TRAPPC9: variants seen among roughly 807,000 people sequenced by gnomAD.
The protein encoded by TRAPPC9 is IKK2 binding protein.
Under a neutral mutation model 124.0 loss-of-function variants are expected in TRAPPC9, and 83 were observed. The ratio of observed to expected loss-of-function variants is 0.67; its 90% confidence interval spans 0.56 to 0.80. The LOEUF is 0.80. Ranked by LOEUF, TRAPPC9 falls within the 30% of genes least tolerant of loss-of-function variation. The probability of loss-of-function intolerance (pLI) is 0.00; values close to 1 mark genes in which losing one functional copy is unlikely to be tolerated. For missense variants in TRAPPC9, 1,302 were observed against 1,508.3 expected, an observed-to-expected ratio of 0.86 and a Z score of 2.27; for synonymous variants, 638 against 617.5, an observed-to-expected ratio of 1.03 and a Z score of -0.49.
chr8:140,164,989 G>T (rs2061809797), intron 17 of TRAPPC9, among the ~76,000 whole-genome samples: 2 of 152,150 alleles, frequency 1.3e-5, no homozygotes, highest in Non-Finnish European at 2.9e-5. Context: ...TCGTAATAAG[G>T]TAATGCCTTA....
chr8:140,431,339 C>A (rs1451727384), intron 4 of TRAPPC9, among the ~76,000 whole-genome samples: 1 of 151,960 alleles, frequency 6.6e-6, no homozygotes, highest in Non-Finnish European at 1.5e-5. Flanking sequence ...TGCCTGTAAT[C>A]CCAGCTACTC....
chr8:140,085,613 C>T (rs573071027), intron 17 of TRAPPC9, among the ~76,000 whole-genome samples: 2 of 152,272 alleles, frequency 1.3e-5, no homozygotes, highest in South Asian at 4.2e-4. Context: ...ACTTTCAATC[C>T]CACCAGGTGA....
At chr8:140,381,667 CAAAA>C (rs56659960) in intron 7 of TRAPPC9, among the ~76,000 whole-genome samples, 1,615 of 48,308 alleles carry the variant, frequency 0.033, 24 homozygotes, top group African/African-American at 0.12. Context: ...GACTCTGTCT[CAAAA>C]AAAAAAAAAA....
intron 16 of TRAPPC9, among the ~76,000 whole-genome samples, chr8:140,239,497 G>C (rs568489767): frequency 6.6e-6 from 1 of 152,196 alleles, no homozygotes; most frequent in African/African-American, 2.4e-5. Flanking sequence ...GTAAGACTCC[G>C]GCCCTGCCCG....
Position 140,313,994 on chromosome 8 carries a change from G to A in TRAPPC9, c.1496-2620C>T, listed in dbSNP as rs541729055. 4.6e-5 allele frequency among the ~76,000 whole-genome samples: 7 copies of A among 152,178 alleles called. No homozygotes were observed. In the East Asian group the frequency reaches 7.7e-4, roughly 17 times the overall value. ...CCTTCTCCTAAAGGATTCAAGTGTC[G>A]GCTATAAATTGTTGCCAGATCTATT... On this transcript the variant is annotated intron_variant, in intron 9 of 22. Transcript: ENST00000438773.
intron 18 of TRAPPC9, 108 bp from the exon 19 acceptor site, chr8:139,988,944 A>T (rs1837446452): frequency 3.9e-6 from 3 of 760,812 alleles, no homozygotes; most frequent in Admixed American, 4.0e-5. Context: ...AGGGCAAAGT[A>T]TATCGAAATG....
At chr8:140,295,203 A>T (rs1450382889) in intron 11 of TRAPPC9, among the ~76,000 whole-genome samples, 2 of 152,230 alleles carry the variant, frequency 1.3e-5, no homozygotes, top group Non-Finnish European at 2.9e-5. Context: ...CTGATTTATC[A>T]ATGCATCCCC....
intron 21 of TRAPPC9, among the ~76,000 whole-genome samples, chr8:139,812,886 G>C (rs972764667): frequency 6.6e-6 from 1 of 152,170 alleles, no homozygotes; most frequent in East Asian, 1.9e-4. Flanking sequence ...CATGGGTTTC[G>C]GGAAGGTTAA....
intron 8 of TRAPPC9, among the ~76,000 whole-genome samples, chr8:140,366,901 A>G (rs185861629): frequency 1.3e-3 from 197 of 152,330 alleles, no homozygotes; most frequent in African/African-American, 3.7e-3. Context: ...CAACCTAATT[A>G]AAAAGGGGGC....
chr8:140,292,337 T>G (rs892898656), intron 11 of TRAPPC9, among the ~76,000 whole-genome samples: 5 of 152,134 alleles, frequency 3.3e-5, no homozygotes, highest in Non-Finnish European at 7.3e-5. Flanking sequence ...GGTAATAAAT[T>G]GGCCCAGGAA....
At chr8:140,266,744 C>T (rs2064675867) in intron 15 of TRAPPC9, among the ~76,000 whole-genome samples, 1 of 151,844 alleles carries the variant, frequency 6.6e-6, no homozygotes, top group Non-Finnish European at 1.5e-5. Context: ...CCTGTAGTCC[C>T]AGCTACTCGG....
intron 9 of TRAPPC9, among the ~76,000 whole-genome samples, chr8:140,346,083 G>A (rs2067340923): frequency 6.6e-6 from 1 of 152,228 alleles, no homozygotes; most frequent in South Asian, 2.1e-4. Flanking sequence ...TTCAAAGCCA[G>A]CTCTGCCACC....
intron 21 of TRAPPC9, among the ~76,000 whole-genome samples, chr8:139,843,836 A>C (rs992606901): frequency 3.9e-5 from 6 of 152,236 alleles, no homozygotes; most frequent in African/African-American, 1.2e-4. Context: ...GCCCTCTGGC[A>C]CTGCATGAGA....
intron 19 of TRAPPC9, among the ~76,000 whole-genome samples, chr8:139,947,894 G>GTGTGTGTATATATATATATATATATATA (rs1554678277): frequency 3.0e-5 from 2 of 65,850 alleles, no homozygotes; most frequent in African/African-American, 5.8e-5. Flanking sequence ...AAATATGTGT[G>GTGTGTGTATATATATATATATATATATA]TATATATATA....
chr8:140,449,331 C>T (rs2071378682), intron 2 of TRAPPC9, among the ~76,000 whole-genome samples: 1 of 152,196 alleles, frequency 6.6e-6, no homozygotes, highest in South Asian at 2.1e-4. Flanking sequence ...CTGTCCAAGC[C>T]AGGAGGCCAG....
intron 9 of TRAPPC9, among the ~76,000 whole-genome samples, chr8:140,352,943 A>G (rs1485664383): frequency 6.6e-6 from 1 of 152,164 alleles, no homozygotes; most frequent in African/African-American, 2.4e-5. Flanking sequence ...CCATCTTATG[A>G]TATTTACTAA....
intron 6 of TRAPPC9, among the ~76,000 whole-genome samples, chr8:140,402,103 A>C (rs2069297910): frequency 6.6e-6 from 1 of 152,062 alleles, no homozygotes; most frequent in Non-Finnish European, 1.5e-5. Flanking sequence ...GTAGTGGCTT[A>C]GGCCTGTAAT....
At chr8:140,440,397 C>T (rs559520726) in intron 2 of TRAPPC9, among the ~76,000 whole-genome samples, 1 of 152,246 alleles carries the variant, frequency 6.6e-6, no homozygotes, top group South Asian at 2.1e-4. Flanking sequence ...GTCCCAGCTA[C>T]TCAGGAGGCT....
intron 5 of TRAPPC9, among the ~76,000 whole-genome samples, chr8:140,426,283 A>G (rs1468576300): frequency 6.6e-6 from 1 of 152,254 alleles, no homozygotes; most frequent in Non-Finnish European, 1.5e-5. Context: ...GCCACAAATC[A>G]GAGCAAAGTC....
Sources: allele counts gnomAD v4.1 joint callset (sites outside exome capture counted in the v4.1 genomes callset), GRCh38; gene constraint gnomAD v4.1.1; transcripts MANE v1.5; gene names NCBI Gene and HGNC (gene_info 2026-07-23, HGNC 2026-07-21).